ITFG1: variants seen among roughly 807,000 people sequenced by gnomAD.
ITFG1 encodes T-cell immunomodulatory protein.
In ITFG1, 34 loss-of-function variants were observed where a neutral mutation model predicts 81.8. The observed-to-expected ratio is 0.42, with a 90% CI of 0.32 to 0.55. The LOEUF is 0.55. ITFG1 is among the 20% of genes least tolerant of loss of function. ITFG1 has a pLI of 0.17. For synonymous variants in ITFG1, 285 were observed against 270.6 expected, an observed-to-expected ratio of 1.05 and a Z score of -0.52; for missense variants, 672 against 755.4, an observed-to-expected ratio of 0.89 and a Z score of 1.29.
chr16:47,315,429 T>G (rs894225285), intron 8 of ITFG1, among the ~76,000 whole-genome samples: 4 of 152,190 alleles, frequency 2.6e-5, no homozygotes, highest in African/African-American at 9.7e-5. Flanking sequence ...ACCATTCTAC[T>G]GTAAATTAAT....
In ITFG1 at chr16:47,343,494, G is replaced by A. The variant is rs144319229; in HGVS notation, c.802+22294C>T. On this transcript the variant is annotated intron_variant, in intron 8 of 17. Coordinates refer to ENST00000320640, the MANE Select transcript of ITFG1 (RefSeq NM_030790.5). ...AATATGTAGAATATATAAATTACTT[G>A]AAAAATTCAATAATAAAAAGACAAA... Among the ~76,000 whole-genome samples the A allele has an allele frequency of 5.6e-3, 849 of 151,950 alleles. 5 individuals are homozygous for A. Among genetic ancestry groups the A allele is most frequent in the Admixed American group, 9.6e-3 (147 of 15,262 alleles).
chr16:47,205,465 C>T (rs114763390), intron 14 of ITFG1, among the ~76,000 whole-genome samples: 4 of 152,212 alleles, frequency 2.6e-5, no homozygotes, highest in Non-Finnish European at 4.4e-5. Context: ...ATTTCTGAAT[C>T]GGGATGAGAA....
intron 5 of ITFG1, among the ~76,000 whole-genome samples, chr16:47,450,988 T>C (rs563950823): frequency 2.0e-5 from 3 of 152,320 alleles, no homozygotes; most frequent in African/African-American, 2.4e-5. Context: ...TAGACCGTTA[T>C]TGACTGCTCA....
chr16:47,338,718 T>A (rs1184967328), intron 8 of ITFG1, among the ~76,000 whole-genome samples: 1 of 152,118 alleles, frequency 6.6e-6, no homozygotes, highest in Non-Finnish European at 1.5e-5. Context: ...ATTCATGGGT[T>A]ACATGATGTA....
At chr16:47,332,949 C>T (rs1967654531) in intron 8 of ITFG1, among the ~76,000 whole-genome samples, 1 of 152,156 alleles carries the variant, frequency 6.6e-6, no homozygotes, top group Admixed American at 6.5e-5. Flanking sequence ...ACATCATTTA[C>T]TATCATATTT....
In ITFG1 at chr16:47,311,235, C is replaced by A; in HGVS notation, c.1070+5G>T. ...AATATTTCTCACTTGATTTAATTTC[C>A]TTACCTTCCAGATGTGTTCTTTAGT... On this transcript the variant is annotated splice_donor_5th_base_variant and intron_variant, in intron 10 of 17. Coordinates refer to ENST00000320640, the MANE Select transcript of ITFG1 (RefSeq NM_030790.5). 1 of 1,587,998 alleles carries A rather than the reference C, an allele frequency of 6.3e-7. No individual in the cohort carries two copies. Among genetic ancestry groups the A allele is most frequent in the Non-Finnish European group, 8.6e-7 (1 of 1,167,410 alleles).
rs1479758998 is a variant in ITFG1 at position 47,221,038 on chromosome 16, G to A, written c.1375-2092C>T. ...GCCTTGAAAACCAACAGCTTTGCAA[G>A]TAGGGTAGCTATGAAAATGAAGAGC... On this transcript the variant is annotated intron_variant, in intron 13 of 17. Transcript: ENST00000320640. Among the ~76,000 whole-genome samples the A allele has an allele frequency of 2.0e-5, 3 of 152,298 alleles. No individual in the cohort carries two copies. The East Asian group carries it at 5.8e-4, about 29-fold the overall frequency.
At chr16:47,238,811 T>C (rs942212446) in intron 12 of ITFG1, among the ~76,000 whole-genome samples, 2 of 152,208 alleles carry the variant, frequency 1.3e-5, no homozygotes, top group African/African-American at 4.8e-5. Context: ...TTTCTTTTGT[T>C]TGTTTATATT....
chr16:47,413,977 T>C, intron 6 of ITFG1, among the ~76,000 whole-genome samples: 1 of 151,676 alleles, frequency 6.6e-6, no homozygotes, highest in East Asian at 2.0e-4. Flanking sequence ...CCTGCCCCCA[T>C]GCCCGGCTAA....
intron 8 of ITFG1, among the ~76,000 whole-genome samples, chr16:47,347,989 C>A (rs1309208559): frequency 1.3e-5 from 2 of 152,200 alleles, no homozygotes; most frequent in African/African-American, 4.8e-5. Context: ...AACAGACCTG[C>A]AGCTGAGGGT....
At chr16:47,435,798 G>A (rs189597780) in intron 5 of ITFG1, among the ~76,000 whole-genome samples, 1 of 152,238 alleles carries the variant, frequency 6.6e-6, no homozygotes, top group East Asian at 1.9e-4. Context: ...TTTGAATGCT[G>A]AAAAACTATA....
rs776298039 is a variant in ITFG1 at position 47,311,259 on chromosome 16, G to A, written c.1051C>T (p.Leu351=). 6.2e-7 allele frequency: 1 copy of A among 1,609,674 alleles called. No homozygotes were observed. The highest frequency in any genetic ancestry group is 1.1e-5 in the South Asian group (1 of 90,232). The change falls in exon 10 of 18, where the codon CTA becomes TTA. Residue 351 remains leucine (L), a synonymous_variant. Coordinates refer to ENST00000320640, the MANE Select transcript of ITFG1 (RefSeq NM_030790.5). ...MDGYPDALVI[L]KNTSGSNQQA... is the part of the protein sequence containing the mutation. The stretch of plus-strand genomic sequence containing the variant: ...CCTTACCTTCCAGATGTGTTCTTTA[G>A]TATGACCAGAGCGTCTGGATAGCCA...
intron 14 of ITFG1, among the ~76,000 whole-genome samples, chr16:47,192,445 C>T (rs1249964609): frequency 1.3e-5 from 2 of 152,172 alleles, no homozygotes; most frequent in Non-Finnish European, 2.9e-5. Flanking sequence ...CATTATGAAA[C>T]ACTAGAGATT....
intron 14 of ITFG1, among the ~76,000 whole-genome samples, chr16:47,180,755 T>A (rs1965099014): frequency 6.6e-6 from 1 of 152,154 alleles, no homozygotes; most frequent in South Asian, 2.1e-4. Context: ...CCCAGCCGCC[T>A]GCCTTGGCGT....
chr16:47,314,924 G>A (rs2151566018), intron 8 of ITFG1, among the ~76,000 whole-genome samples: 1 of 152,036 alleles, frequency 6.6e-6, no homozygotes, highest in Non-Finnish European at 1.5e-5. Flanking sequence ...GTTATCAAAA[G>A]CCTATCAAGT....
At chr16:47,301,424 A>G (rs1262913689) in intron 10 of ITFG1, among the ~76,000 whole-genome samples, 5 of 136,602 alleles carry the variant, frequency 3.7e-5, no homozygotes, top group Non-Finnish European at 1.6e-5. Flanking sequence ...TTTTTTTTTG[A>G]GATGGCACTG....
At position 47,155,713 on chromosome 16, in the gene ITFG1, G is replaced by A; in HGVS notation, c.*6C>T. The A allele has an allele frequency of 6.3e-7, 1 of 1,597,162 alleles. No homozygotes were observed. The highest frequency in any genetic ancestry group is 2.3e-5 in the East Asian group (1 of 44,210). The stretch of plus-strand genomic sequence containing the variant: ...AGCCATTCCATTATGTAATATTAAA[G>A]GCAAGTCACATAGCATCAAAATGAA... On this transcript the variant is annotated 3_prime_UTR_variant, in exon 18 of 18. Transcript: ENST00000320640.
intron 10 of ITFG1, among the ~76,000 whole-genome samples, chr16:47,292,172 C>G (rs544203593): frequency 1.6e-4 from 24 of 152,120 alleles, no homozygotes; most frequent in Non-Finnish European, 2.9e-4. Context: ...CGCCACCACA[C>G]CCAGCTAAGT....
At chr16:47,200,347 T>C (rs1290264184) in intron 14 of ITFG1, among the ~76,000 whole-genome samples, 3 of 152,222 alleles carry the variant, frequency 2.0e-5, no homozygotes, top group African/African-American at 7.2e-5. Flanking sequence ...CTGCTAATTA[T>C]TCATTTGTAC....
Sources: allele counts gnomAD v4.1 joint callset (sites outside exome capture counted in the v4.1 genomes callset), GRCh38; gene constraint gnomAD v4.1.1; transcripts MANE v1.5; gene names NCBI Gene and HGNC (gene_info 2026-07-23, HGNC 2026-07-21).